The following QDPR variants were observed in gnomAD, a reference collection of about 807,000 sequenced individuals.
QDPR encodes the protein dihydropteridine reductase.
In QDPR, 23 loss-of-function variants were observed where a neutral mutation model predicts 31.7. That is an observed-to-expected ratio of 0.73 (90% CI 0.52 to 1.03). The LOEUF (loss-of-function observed/expected upper bound fraction) is 1.03. QDPR is among the 50% of genes least tolerant of loss of function. The probability of loss-of-function intolerance (pLI) is 0.00; values close to 1 mark genes in which losing one functional copy is unlikely to be tolerated. For synonymous variants in QDPR, 124 were observed against 124.7 expected (o/e 0.99, Z 0.03); for missense variants, 324 against 323.8 (o/e 1.00, Z 0.00).
chr4:17,492,841 T>A (rs1469549506), intron 4 of QDPR, among the ~76,000 whole-genome samples: 2 of 152,140 alleles, frequency 1.3e-5, no homozygotes, highest in Non-Finnish European at 2.9e-5. Context: ...CCAAAGCTGA[T>A]GGAGAGGTTA....
At chr4:17,502,886 G>A (rs1718620867) in intron 3 of QDPR, among the ~76,000 whole-genome samples, 1 of 152,144 alleles carries the variant, frequency 6.6e-6, no homozygotes, top group South Asian at 2.1e-4. Flanking sequence ...CTGACTTACT[G>A]CAAACAGAAA....
intron 6 of QDPR, among the ~76,000 whole-genome samples, chr4:17,487,975 T>C (rs1305008168): frequency 6.6e-6 from 1 of 152,072 alleles, no homozygotes; most frequent in Admixed American, 6.5e-5. Context: ...TAAAAGATTC[T>C]AATTTGGCCA....
Position 17,511,974 on chromosome 4 carries a change from C to A in QDPR, c.81G>T (p.Val27=), listed in dbSNP as rs752552094. 1.9e-6 allele frequency: 3 copies of A among 1,611,174 alleles called. No individual in the cohort carries two copies. In the Admixed American group the frequency reaches 5.0e-5, roughly 27 times the overall value. Residue 27 remains valine, a synonymous_variant, in exon 1 of 7, where the codon GTG becomes GTT. Transcript: ENST00000281243. ...GGRGALGSRC[V]QAFRARNWWV... ...CCCAGTTGCGGGCCCGAAAAGCCTG[C>A]ACGCATCGAGAACCCAGAGCGCCCC...
In QDPR at chr4:17,487,119, C is replaced by T. The variant is rs1426865196; in HGVS notation, c.*12G>A. 1.2e-6 allele frequency: 2 copies of T among 1,606,798 alleles called. No individual in the cohort carries two copies. Among genetic ancestry groups the T allele is most frequent in the Non-Finnish European group, 1.7e-6 (2 of 1,173,612 alleles). The stretch of plus-strand genomic sequence containing the variant: ...TTTTCTGGCAGGCCCCTCATAGGCA[C>T]TGAGATGAGGCCTAAAAATATGCTG... On this transcript the variant is annotated 3_prime_UTR_variant, in exon 7 of 7. Transcript: ENST00000281243.
intron 4 of QDPR, 85 bp from the exon 5 acceptor site, chr4:17,492,425 T>G: frequency 1.0e-5 from 11 of 1,090,154 alleles, no homozygotes; most frequent in Non-Finnish European, 1.5e-5. Flanking sequence ...GAGATCTCTA[T>G]TCCCTAAAAA....
At position 17,501,702 on chromosome 4, in the gene QDPR, G is replaced by T; in HGVS notation, c.436+17C>A. ...GGTAAGCAACCCCACTCCACAGATA[G>T]GGAAATAAAGGCTTACCAGGAGTCC... On this transcript the variant is annotated intron_variant, in intron 4 of 6. Transcript: ENST00000281243. 6.2e-7 allele frequency: 1 copy of T among 1,613,370 alleles called. No homozygotes were observed. The highest frequency in any genetic ancestry group is 1.1e-5 in the South Asian group (1 of 90,998).
chr4:17,502,835 A>G (rs1174073662), intron 3 of QDPR, among the ~76,000 whole-genome samples: 1 of 152,258 alleles, frequency 6.6e-6, no homozygotes, highest in African/African-American at 2.4e-5. Context: ...GAAACAGGAC[A>G]TTCACACACA....
chr4:17,490,851 G>C (rs1718140101), intron 5 of QDPR, 106 bp from the exon 6 acceptor site: 2 of 798,358 alleles, frequency 2.5e-6, no homozygotes, highest in Non-Finnish European at 4.3e-6. Flanking sequence ...GGACAACCTA[G>C]AGCCTCTGGC....
chr4:17,509,857 C>T (rs1718942359), intron 1 of QDPR: 1 of 433,958 alleles, frequency 2.3e-6, no homozygotes, highest in Non-Finnish European at 4.7e-6. Flanking sequence ...CCACATTCAC[C>T]TCTAAAACAC....
At chr4:17,509,633 G>A (rs1232143719) in intron 1 of QDPR, among the ~76,000 whole-genome samples, 12 of 152,096 alleles carry the variant, frequency 7.9e-5, no homozygotes, top group Non-Finnish European at 8.8e-5. Flanking sequence ...AGGTTGAGGC[G>A]AGAGGATCAC....
At chr4:17,505,199 G>A (rs1006859931) in intron 2 of QDPR, among the ~76,000 whole-genome samples, 4 of 149,902 alleles carry the variant, frequency 2.7e-5, no homozygotes, top group African/African-American at 9.8e-5. Context: ...TGGCTGAGAT[G>A]ACAAATCCCA....
At position 17,509,247 on chromosome 4, in the gene QDPR, G is replaced by A. The variant is rs562172226; in HGVS notation, c.198+24C>T. The A allele has an allele frequency of 3.8e-6, 6 of 1,593,982 alleles. No homozygotes were observed. The East Asian group carries it at 1.3e-4, about 36-fold the overall frequency. ...CTCTCCCCAGGGTTCCCCTCACAATGTTTGGGGGCCTTTTTGAAACTACCT... is the reference window on the plus strand; with the variant it reads ...CTCTCCCCAGGGTTCCCCTCACAATATTTGGGGGCCTTTTTGAAACTACCT... On this transcript the variant is annotated intron_variant, in intron 2 of 6. Transcript: ENST00000281243.
At chr4:17,487,339 A>T (rs1159172293) in intron 6 of QDPR, 103 bp from the exon 7 acceptor site, 3 of 843,166 alleles carry the variant, frequency 3.6e-6, no homozygotes, top group African/African-American at 3.4e-5. Context: ...AAGGGGTGGC[A>T]CAGCAGCGAC....
At chr4:17,501,670 C>A (rs1182567591) in intron 4 of QDPR, 49 bp downstream of exon 4, 1 of 1,609,036 alleles carries the variant, frequency 6.2e-7, no homozygotes, top group Admixed American at 1.7e-5. Context: ...GCAGCCCCAG[C>A]AAGCAAGGTA....
chr4:17,490,753 G>T lies in QDPR; in HGVS notation c.546-8C>A. 1 of 1,610,494 alleles carries T rather than the reference G, an allele frequency of 6.2e-7. No individual in the cohort carries two copies. The highest frequency in any genetic ancestry group is 8.5e-7 in the Non-Finnish European group (1 of 1,177,074). On this transcript the variant is annotated splice_polypyrimidine_tract_variant and splice_region_variant and intron_variant, in intron 5 of 6. Coordinates refer to ENST00000281243, the MANE Select transcript of QDPR (RefSeq NM_000320.3). Reference sequence around the variant, plus strand: ...GGGGTATCCAGGGTAACCCTGCAATGGACACAGATAAGCACGTCATTCATG... The same window carrying T: ...GGGGTATCCAGGGTAACCCTGCAATTGACACAGATAAGCACGTCATTCATG...
At chr4:17,509,440 G>A (rs1283610152) in intron 1 of QDPR, 77 bp from the exon 2 acceptor site, 4 of 1,318,696 alleles carry the variant, frequency 3.0e-6, no homozygotes, top group East Asian at 4.6e-5. Flanking sequence ...GAAATGAGGG[G>A]AGTTGGCCAG....
intron 1 of QDPR, among the ~76,000 whole-genome samples, chr4:17,510,592 G>A (rs1476561607): frequency 1.3e-5 from 2 of 152,158 alleles, no homozygotes; most frequent in African/African-American, 4.8e-5. Context: ...GAAGAAGCTC[G>A]GAGGGGAAAG....
At chr4:17,504,089 C>T (rs1413094352) in intron 3 of QDPR, among the ~76,000 whole-genome samples, 3 of 152,146 alleles carry the variant, frequency 2.0e-5, no homozygotes, top group African/African-American at 7.2e-5. Flanking sequence ...CCTACACATC[C>T]TCCAATGCCT....
chr4:17,494,960 G>A (rs1718298559), intron 4 of QDPR, among the ~76,000 whole-genome samples: 1 of 152,222 alleles, frequency 6.6e-6, no homozygotes, highest in Non-Finnish European at 1.5e-5. Flanking sequence ...GGCACGCACA[G>A]AACCCGATCA....
Sources: gnomAD v4.1 joint callset for allele counts (sites outside exome capture counted in the v4.1 genomes callset) on GRCh38, gnomAD v4.1.1 for gene constraint, MANE v1.5 for transcripts, NCBI Gene and HGNC (gene_info 2026-07-23, HGNC 2026-07-21) for gene names.